Variants in TMCC3 observed in about 807,000 individuals in gnomAD.
The protein encoded by TMCC3 is transmembrane and coiled-coil domain family 3, also known as transmembrane and coiled-coil domain protein 3.
In TMCC3, 28 loss-of-function variants were observed where a neutral mutation model predicts 40.2. The observed-to-expected ratio is 0.70, with a 90% CI of 0.52 to 0.95. The LOEUF is 0.95. TMCC3 is among the 40% of genes least tolerant of loss of function. The pLI is 0.00. For missense variants in TMCC3, 554 were observed against 615.2 expected, an observed-to-expected ratio of 0.90 and a Z score of 1.05; for synonymous variants, 255 against 248.5, an observed-to-expected ratio of 1.03 and a Z score of -0.25.
At chr12:94,646,600 G>A (rs1314350748) in intron 1 of TMCC3, among the ~76,000 whole-genome samples, 2 of 151,692 alleles carry the variant, frequency 1.3e-5, no homozygotes, top group Non-Finnish European at 2.9e-5. Flanking sequence ...CACCATGCCT[G>A]GTTAATTTTT....
intron 1 of TMCC3, among the ~76,000 whole-genome samples, chr12:94,594,232 C>CACACACACACACAGAG (rs1446763750): frequency 4.6e-4 from 68 of 147,756 alleles, no homozygotes; most frequent in African/African-American, 1.6e-3. Context: ...CACACACACA[C>CACACACACACACAGAG]AGAGTGAGAG....
intron 1 of TMCC3, among the ~76,000 whole-genome samples, chr12:94,644,984 T>G (rs981622549): frequency 1.3e-5 from 2 of 152,210 alleles, no homozygotes; most frequent in African/African-American, 4.8e-5. Context: ...TGTTAGAGAT[T>G]TCTGCATGTA....
At position 94,613,131 on chromosome 12, in the gene TMCC3, G is replaced by T. The variant is rs376931717; in HGVS notation, c.79-30593C>A. On this transcript the variant is annotated intron_variant, in intron 1 of 3. Coordinates refer to ENST00000261226, the MANE Select transcript of TMCC3 (RefSeq NM_020698.4). The stretch of plus-strand genomic sequence containing the variant: ...ACACACACACACACACACACATTGT[G>T]TTTATTTGTACAGTGGAATGAAATA... Among the ~76,000 whole-genome samples the T allele has an allele frequency of 7.3e-5, 11 of 151,594 alleles. 1 individual carries two copies. The highest frequency in any genetic ancestry group is 2.4e-4 in the African/African-American group (10 of 41,198).
chr12:94,628,087 A>G (rs1459975780), intron 1 of TMCC3, among the ~76,000 whole-genome samples: 1 of 152,238 alleles, frequency 6.6e-6, no homozygotes, highest in Non-Finnish European at 1.5e-5. Flanking sequence ...AAGGTTGGGC[A>G]ATGAAGAGAC....
intron 1 of TMCC3, among the ~76,000 whole-genome samples, chr12:94,639,449 G>C (rs1329962468): frequency 9.2e-5 from 14 of 152,040 alleles, no homozygotes; most frequent in Admixed American, 9.2e-4. Context: ...CTGGCATGGT[G>C]GTGGGCACCT....
Position 94,567,238 on chromosome 12 carries a change from T to G in TMCC3, c.*4197A>C, listed in dbSNP as rs774713216. ...TGATGACACCACAATGGGGTGAAGA[T>G]CTACAGGGAATTTACAATTTTAGGC... On this transcript the variant is annotated 3_prime_UTR_variant, in exon 4 of 4. Transcript: ENST00000261226. The G allele has an allele frequency of 6.6e-5, 10 of 152,210 alleles. No individual in the cohort carries two copies. Among genetic ancestry groups the G allele is most frequent in the Non-Finnish European group, 1.0e-4 (7 of 68,034 alleles). The allele number at this position is 152,210 out of a possible 1,614,324, so 9.4% of individuals were successfully genotyped here.
chr12:94,574,093 G>A (rs999176420), intron 3 of TMCC3, among the ~76,000 whole-genome samples: 1 of 152,200 alleles, frequency 6.6e-6, no homozygotes, highest in Non-Finnish European at 1.5e-5. Context: ...GTAAGAGAAT[G>A]TGAGGCTTGA....
At chr12:94,636,315 CA>C (rs750193150) in intron 1 of TMCC3, among the ~76,000 whole-genome samples, 37 of 152,226 alleles carry the variant, frequency 2.4e-4, no homozygotes, top group Non-Finnish European at 4.0e-4. Flanking sequence ...TCTCAAAGTA[CA>C]AAGGCCATTC....
intron 1 of TMCC3, among the ~76,000 whole-genome samples, chr12:94,643,690 A>G (rs1448877997): frequency 1.3e-5 from 2 of 152,250 alleles, no homozygotes; most frequent in Non-Finnish European, 2.9e-5. Context: ...TGTGCATGTC[A>G]TAAGAATTAG....
chr12:94,635,663 T>G (rs1013377724), intron 1 of TMCC3, among the ~76,000 whole-genome samples: 10 of 130,878 alleles, frequency 7.6e-5, no homozygotes, highest in African/African-American at 2.7e-4. Flanking sequence ...TATGTGGGTT[T>G]TTTTTTTTTT....
At chr12:94,649,347 T>C (rs2279793) in intron 1 of TMCC3, among the ~76,000 whole-genome samples, 50,532 of 152,094 alleles carry the variant, frequency 0.33, 11,189 homozygotes, top group African/African-American at 0.63. Context: ...CTCTCGATCT[T>C]GGAAGTGGCA....
intron 1 of TMCC3, among the ~76,000 whole-genome samples, chr12:94,635,893 TC>T (rs1444307520): frequency 6.6e-6 from 1 of 152,116 alleles, no homozygotes; most frequent in Non-Finnish European, 1.5e-5. Flanking sequence ...GGTCTGGAAC[TC>T]CTGACCTCAA....
chr12:94,584,787 C>T (rs576389113), intron 1 of TMCC3, among the ~76,000 whole-genome samples: 43 of 152,072 alleles, frequency 2.8e-4, no homozygotes, highest in African/African-American at 9.9e-4. Flanking sequence ...AATAAATGCC[C>T]AATCACTACA....
chr12:94,639,168 G>A (rs971531257), intron 1 of TMCC3, among the ~76,000 whole-genome samples: 1 of 152,180 alleles, frequency 6.6e-6, no homozygotes, highest in South Asian at 2.1e-4. Context: ...ATAATACAGA[G>A]AGAAGCAAGC....
chr12:94,581,531 A>G (rs910134989), intron 2 of TMCC3, 91 bp downstream of exon 2: 1 of 966,546 alleles, frequency 1.0e-6, no homozygotes, highest in East Asian at 3.3e-5. Flanking sequence ...GGTAATAAAA[A>G]AGTTTTCAAA....
At chr12:94,586,059 G>A (rs1048924605) in intron 1 of TMCC3, among the ~76,000 whole-genome samples, 3 of 152,272 alleles carry the variant, frequency 2.0e-5, no homozygotes, top group African/African-American at 4.8e-5. Context: ...AGTTCTGCTC[G>A]CATAGCCCTG....
chr12:94,635,884 G>C (rs2068958421), intron 1 of TMCC3, among the ~76,000 whole-genome samples: 1 of 152,058 alleles, frequency 6.6e-6, no homozygotes, highest in Admixed American at 6.6e-5. Context: ...GGTCAGGCTG[G>C]TCTGGAACTC....
At chr12:94,590,654 C>T (rs1020782954) in intron 1 of TMCC3, among the ~76,000 whole-genome samples, 6 of 152,042 alleles carry the variant, frequency 3.9e-5, no homozygotes, top group African/African-American at 7.2e-5. Context: ...GCTGGGAGAC[C>T]GATGTGGGGC....
chr12:94,587,266 T>C (rs180860585), intron 1 of TMCC3, among the ~76,000 whole-genome samples: 1 of 152,192 alleles, frequency 6.6e-6, no homozygotes, highest in African/African-American at 2.4e-5. Context: ...GGCGCTGACA[T>C]TTACTATGTA....
Sources: allele counts gnomAD v4.1 joint callset (sites outside exome capture counted in the v4.1 genomes callset), GRCh38; gene constraint gnomAD v4.1.1; transcripts MANE v1.5; gene names NCBI Gene and HGNC (gene_info 2026-07-23, HGNC 2026-07-21).